The following RANGAP1 variants were observed in gnomAD, a reference collection of about 807,000 sequenced individuals.
RANGAP1 encodes the protein ran GTPase-activating protein 1.
RANGAP1 carries 38 observed loss-of-function variants against 63.5 expected under a neutral mutation model. The ratio of observed to expected loss-of-function variants is 0.60; its 90% confidence interval spans 0.46 to 0.78. The LOEUF (loss-of-function observed/expected upper bound fraction) is 0.78, where lower values mean the gene tolerates loss of function less well. RANGAP1 is among the 30% of genes least tolerant of loss of function. RANGAP1 has a pLI of 0.00. For missense variants in RANGAP1, 630 were observed against 740.3 expected (o/e 0.85, Z 1.73); for synonymous variants, 329 against 310.5 (o/e 1.06, Z -0.63).
At chr22:41,294,456 C>G in the RANGAP1 span, among the ~76,000 whole-genome samples, 1 of 151,540 alleles carries the variant, frequency 6.6e-6, no homozygotes, top group African/African-American at 2.4e-5. Context: ...GAGATTGCAG[C>G]CTCTGCCCGG....
chr22:41,258,638 TTTTC>T (rs1173861117), intron 6 of RANGAP1, among the ~76,000 whole-genome samples: 4 of 152,290 alleles, frequency 2.6e-5, no homozygotes, highest in African/African-American at 7.2e-5. Flanking sequence ...TGCCTCCTTA[TTTTC>T]TTTTTCTTTT....
intron 1 of RANGAP1, chr22:41,282,581 C>T (rs1397251493): frequency 6.6e-6 from 1 of 152,230 alleles, no homozygotes; most frequent in Non-Finnish European, 1.5e-5. Context: ...CTCAGCCTCC[C>T]AAAGTGCTGG....
At chr22:41,276,811 C>T (rs1024858789) in intron 2 of RANGAP1, among the ~76,000 whole-genome samples, 11 of 151,530 alleles carry the variant, frequency 7.3e-5, no homozygotes, top group Non-Finnish European at 1.5e-4. Flanking sequence ...TGGTAAACCC[C>T]GTCTCTACTA....
intron 3 of RANGAP1, among the ~76,000 whole-genome samples, chr22:41,270,448 T>G (rs1265842859): frequency 6.6e-6 from 1 of 152,128 alleles, no homozygotes; most frequent in East Asian, 1.9e-4. Context: ...TGCCCAGCCC[T>G]CCCTTATTTT....
At chr22:41,286,517 C>A (rs1167424541), upstream of RANGAP1, among the ~76,000 whole-genome samples, 1 of 152,258 alleles carries the variant, frequency 6.6e-6, no homozygotes, top group East Asian at 1.9e-4. Flanking sequence ...TCCCTCAGCT[C>A]TTCCGGAAAG....
intron 1 of RANGAP1, chr22:41,281,764 A>G: frequency 4.1e-6 from 2 of 483,656 alleles, no homozygotes; most frequent in Non-Finnish European, 5.4e-6. Context: ...CAAGTCTACC[A>G]GAAGATTTGG....
At chr22:41,286,552 T>C (rs539455749), upstream of RANGAP1, among the ~76,000 whole-genome samples, 3 of 152,236 alleles carry the variant, frequency 2.0e-5, no homozygotes, top group Non-Finnish European at 4.4e-5. Flanking sequence ...ACTTTGTTGA[T>C]AACAGGTACT....
chr22:41,282,342 C>G (rs1419817082), intron 1 of RANGAP1: 6 of 151,598 alleles, frequency 4.0e-5, no homozygotes, highest in Admixed American at 1.3e-4. Flanking sequence ...TTTTTTGAGA[C>G]GGAGTCTCGC....
At position 41,268,114 on chromosome 22, in the gene RANGAP1, C is replaced by T; in HGVS notation, c.283G>A (p.Glu95Lys). 6 of 1,558,362 alleles carry T rather than the reference C, an allele frequency of 3.9e-6. No individual in the cohort carries two copies. The highest frequency in any genetic ancestry group is 5.2e-6 in the Non-Finnish European group (6 of 1,150,280). ...TCGCTTACCAGGGCTGGTGGGATCT[C>T]GGTCCGCAGCCTTCCCGTGAACATG... ...SDMFTGRLRT[E>K]IPPALISLGE... The change falls in exon 4 of 16, where the codon GAG (glutamate) becomes AAG (lysine). Residue 95 changes from glutamate to lysine, a missense_variant. Physicochemically the swap from Glu to Lys is moderately conservative, Grantham distance 56. Transcript: ENST00000356244.
intron 3 of RANGAP1, among the ~76,000 whole-genome samples, 192 bp from the exon 4 acceptor site, chr22:41,268,348 C>T (rs893457921): frequency 2.0e-5 from 3 of 152,056 alleles, no homozygotes; most frequent in Non-Finnish European, 2.9e-5. Context: ...CTCCACCTCC[C>T]GGGTTCAAGC....
At chr22:41,264,959 A>G in intron 4 of RANGAP1, 116 bp from the exon 5 acceptor site, 1 of 1,065,094 alleles carries the variant, frequency 9.4e-7, no homozygotes, top group African/African-American at 1.6e-5. Context: ...GTGCAGAACC[A>G]ACACAGACAC....
chr22:41,264,857 A>T lies in RANGAP1; in HGVS notation c.301-14T>A, dbSNP rs755682684. 1 of 1,587,686 alleles carries T rather than the reference A, an allele frequency of 6.3e-7. No individual in the cohort carries two copies. Among genetic ancestry groups the T allele is most frequent in the South Asian group, 1.1e-5 (1 of 89,990 alleles). On this transcript the variant is annotated splice_polypyrimidine_tract_variant and intron_variant, in intron 4 of 15. Transcript: ENST00000356244. The stretch of plus-strand genomic sequence containing the variant: ...CCCTAGTGAGATCTGGGCACAGAGG[A>T]AGCTCGTGTCAGTTTCATAGACACC...
intron 5 of RANGAP1, among the ~76,000 whole-genome samples, chr22:41,263,034 A>G (rs1256877737): frequency 2.0e-5 from 3 of 152,226 alleles, no homozygotes; most frequent in Admixed American, 6.5e-5. Flanking sequence ...GCCGAGACCC[A>G]GAGACCTAAT....
chr22:41,300,328 C>T, the RANGAP1 span, among the ~76,000 whole-genome samples: 1 of 150,992 alleles, frequency 6.6e-6, no homozygotes, highest in Non-Finnish European at 1.5e-5. Flanking sequence ...CTGGCCTCAG[C>T]ATCCTCATCG....
chr22:41,266,333 T>G (rs1208317769), intron 4 of RANGAP1, among the ~76,000 whole-genome samples: 2 of 152,142 alleles, frequency 1.3e-5, no homozygotes, highest in African/African-American at 2.4e-5. Context: ...TTAAGATTTA[T>G]TCTCACGATT....
At chr22:41,262,247 G>A (rs556771632) in intron 5 of RANGAP1, among the ~76,000 whole-genome samples, 8 of 152,252 alleles carry the variant, frequency 5.3e-5, no homozygotes, top group African/African-American at 1.9e-4. Flanking sequence ...TTCTACCCTG[G>A]TTACACCATT....
chr22:41,282,604 G>C (rs2035553060), intron 1 of RANGAP1: 1 of 152,248 alleles, frequency 6.6e-6, no homozygotes, highest in African/African-American at 2.4e-5. Flanking sequence ...TTACACGCAT[G>C]AGCCACCACG....
the RANGAP1 span, among the ~76,000 whole-genome samples, chr22:41,294,370 C>T: frequency 6.6e-6 from 1 of 152,310 alleles, no homozygotes; most frequent in South Asian, 2.1e-4. Flanking sequence ...GGTGCCAAGG[C>T]TGGAGTGCAG....
intron 1 of RANGAP1, chr22:41,281,726 G>T: frequency 1.2e-6 from 1 of 819,826 alleles, no homozygotes; most frequent in Non-Finnish European, 1.5e-6. Context: ...CAGGGACAGG[G>T]CTGCTACCTA....
Sources: gnomAD v4.1 joint callset for allele counts (sites outside exome capture counted in the v4.1 genomes callset) on GRCh38, gnomAD v4.1.1 for gene constraint, MANE v1.5 for transcripts, NCBI Gene and HGNC (gene_info 2026-07-23, HGNC 2026-07-21) for gene names.